The following SDK1 variants were observed in gnomAD, a reference collection of about 807,000 sequenced individuals.
SDK1 encodes sidekick cell adhesion molecule 1, also known as protein sidekick-1.
A neutral mutation model predicts 245.5 loss-of-function variants in SDK1; 157 were observed. The ratio of observed to expected loss-of-function variants is 0.64; its 90% CI spans 0.56 to 0.73. SDK1 has a LOEUF of 0.73. SDK1 is among the 30% of genes least tolerant of loss of function. The pLI is 0.00. For synonymous variants in SDK1, 1,647 were observed against 1,278.5 expected (o/e 1.29, Z -6.15); for missense variants, 3,583 against 3,002.3 (o/e 1.19, Z -4.52).
intron 1 of SDK1, among the ~76,000 whole-genome samples, chr7:3,442,237 T>G (rs1239607304): frequency 6.6e-6 from 1 of 152,208 alleles, no homozygotes; most frequent in Non-Finnish European, 1.5e-5. Flanking sequence ...CCATGTCTTT[T>G]ATAGCACATA....
chr7:3,911,060 G>A (rs772224739), intron 5 of SDK1, among the ~76,000 whole-genome samples: 4 of 152,176 alleles, frequency 2.6e-5, no homozygotes, highest in African/African-American at 7.2e-5. Context: ...CTCTGGGTCA[G>A]CTCTCCATTT....
At chr7:4,232,650 A>G (rs1014039207) in intron 40 of SDK1, among the ~76,000 whole-genome samples, 2 of 151,458 alleles carry the variant, frequency 1.3e-5, no homozygotes, top group African/African-American at 2.4e-5. Flanking sequence ...AATTGTGCAT[A>G]TATATGTTTC....
At position 3,784,826 on chromosome 7, in the gene SDK1, C is replaced by T. The variant is rs193247216; in HGVS notation, c.714-36624C>T. Among the ~76,000 whole-genome samples, 143 of 152,306 alleles carry T rather than the reference C, an allele frequency of 9.4e-4. 1 individual carries two copies. Among genetic ancestry groups the T allele is most frequent in the African/African-American group, 3.4e-3 (140 of 41,558 alleles). On this transcript the variant is annotated intron_variant, in intron 4 of 44. Coordinates refer to ENST00000404826, the MANE Select transcript of SDK1 (RefSeq NM_152744.4). ...TCAAAAAAAATGAGAAATAGAACTG[C>T]CATATGATCTGGCAATCCCACCTCT...
intron 1 of SDK1, among the ~76,000 whole-genome samples, chr7:3,342,324 C>T (rs1047242439): frequency 2.0e-5 from 3 of 152,172 alleles, no homozygotes; most frequent in African/African-American, 2.4e-5. Flanking sequence ...TGCGGTGGCT[C>T]ATGCCTGTAA....
intron 5 of SDK1, among the ~76,000 whole-genome samples, chr7:3,912,466 C>T (rs1779208010): frequency 6.6e-6 from 1 of 152,204 alleles, no homozygotes; most frequent in African/African-American, 2.4e-5. Flanking sequence ...AGAAACATTG[C>T]ATTCTGTGAG....
chr7:3,523,440 G>C (rs150829921), intron 1 of SDK1, among the ~76,000 whole-genome samples: 5 of 152,040 alleles, frequency 3.3e-5, no homozygotes, highest in African/African-American at 9.7e-5. Context: ...TATTAACACA[G>C]GGTAAGTTAC....
At chr7:3,872,555 A>G (rs1780982730) in intron 5 of SDK1, among the ~76,000 whole-genome samples, 2 of 147,182 alleles carry the variant, frequency 1.4e-5, no homozygotes, top group African/African-American at 5.0e-5. Flanking sequence ...TGTTGAATTT[A>G]TGGTCATAGG....
At chr7:3,442,878 C>G (rs991973840) in intron 1 of SDK1, among the ~76,000 whole-genome samples, 4 of 152,156 alleles carry the variant, frequency 2.6e-5, no homozygotes, top group Non-Finnish European at 5.9e-5. Flanking sequence ...CTGTCTCTTC[C>G]ATTCCCTCCG....
In SDK1 at chr7:3,945,157, G is replaced by A. The variant is rs551664104; in HGVS notation, c.848-5766G>A. ...CAGTCTACTTGTAACCCCTCAAACT[G>A]TAAGCAGAATACTTAAGCTAGATTA... On this transcript the variant is annotated intron_variant, in intron 5 of 44. Transcript: ENST00000404826. Among the ~76,000 whole-genome samples, 6 of 152,252 alleles carry A rather than the reference G, an allele frequency of 3.9e-5. No homozygotes were observed. The South Asian group carries it at 1.0e-3, about 26-fold the overall frequency.
intron 1 of SDK1, among the ~76,000 whole-genome samples, chr7:3,419,363 C>T (rs565485358): frequency 4.6e-5 from 7 of 152,176 alleles, no homozygotes; most frequent in South Asian, 2.1e-4. Context: ...TTAGGATCCA[C>T]TGTTGTTCCC....
intron 40 of SDK1, among the ~76,000 whole-genome samples, chr7:4,225,251 C>G (rs1000578517): frequency 6.6e-6 from 1 of 152,166 alleles, no homozygotes; most frequent in Admixed American, 6.5e-5. Flanking sequence ...GATACACAGA[C>G]TTGCTCTCCG....
intron 1 of SDK1, among the ~76,000 whole-genome samples, chr7:3,565,113 T>A (rs1220842690): frequency 6.6e-6 from 1 of 152,026 alleles, no homozygotes; most frequent in Admixed American, 6.6e-5. Context: ...TTACTTTTTT[T>A]TTTTTTTAAA....
intron 1 of SDK1, among the ~76,000 whole-genome samples, chr7:3,466,359 C>T (rs745640046): frequency 5.3e-5 from 8 of 151,026 alleles, no homozygotes; most frequent in Non-Finnish European, 8.8e-5. Context: ...TAATAGGAAG[C>T]GTGACATCAA....
At chr7:3,600,546 A>G (rs960143096) in intron 1 of SDK1, among the ~76,000 whole-genome samples, 4 of 139,540 alleles carry the variant, frequency 2.9e-5, no homozygotes, top group African/African-American at 5.3e-5. Context: ...GTGATATTAG[A>G]TGTAGTTTTT....
At chr7:3,917,150 C>T (rs953712520) in intron 5 of SDK1, among the ~76,000 whole-genome samples, 2 of 152,202 alleles carry the variant, frequency 1.3e-5, no homozygotes, top group Non-Finnish European at 2.9e-5. Flanking sequence ...ATGGAGCATA[C>T]ACCTTCAAAA....
chr7:3,960,066 C>T lies in SDK1; in HGVS notation c.1234+1052C>T, dbSNP rs144039149. On this transcript the variant is annotated intron_variant, in intron 8 of 44. Transcript: ENST00000404826. Reference sequence around the variant, plus strand: ...ATCCGTCCTAAGGATAGTATTTTCTCCTACTCCCTAAGAGCTCGGAGGGTA... The same window carrying T: ...ATCCGTCCTAAGGATAGTATTTTCTTCTACTCCCTAAGAGCTCGGAGGGTA... 7.2e-3 allele frequency among the ~76,000 whole-genome samples: 1,098 copies of T among 152,332 alleles called. 13 individuals are homozygous for T. Among genetic ancestry groups the T allele is most frequent in the African/African-American group, 0.02 (841 of 41,568 alleles).
intron 2 of SDK1, among the ~76,000 whole-genome samples, chr7:3,630,932 A>C (rs567497066): frequency 4.4e-4 from 67 of 152,028 alleles, no homozygotes; most frequent in Non-Finnish European, 7.8e-4. Flanking sequence ...AGATTTCTCT[A>C]CAAGATTTTT....
chr7:4,013,103 C>G (rs1401580222), intron 16 of SDK1, among the ~76,000 whole-genome samples: 1 of 152,154 alleles, frequency 6.6e-6, no homozygotes, highest in African/African-American at 2.4e-5. Flanking sequence ...AAACAAAGGG[C>G]AGGGCTAACA....
chr7:4,113,157 C>CA, intron 23 of SDK1, 132 bp from the exon 24 acceptor site: 1 of 967,190 alleles, frequency 1.0e-6, no homozygotes, highest in Non-Finnish European at 1.5e-6. Flanking sequence ...TGTCCTTGAG[C>CA]AATAGCCTTT....
Sources: gnomAD v4.1 joint callset for allele counts (sites outside exome capture counted in the v4.1 genomes callset) on GRCh38, gnomAD v4.1.1 for gene constraint, MANE v1.5 for transcripts, NCBI Gene and HGNC (gene_info 2026-07-23, HGNC 2026-07-21) for gene names.